The following SH3RF3 variants were observed in gnomAD, a reference collection of about 807,000 sequenced individuals.
SH3RF3 encodes SH3 domain containing ring finger 3.
SH3RF3 carries 29 observed loss-of-function variants against 66.3 expected under a neutral mutation model. The ratio of observed to expected loss-of-function variants is 0.44; its 90% confidence interval spans 0.33 to 0.60. The LOEUF is 0.60. Among genes scored for constraint, SH3RF3 ranks in the 20% least tolerant of loss-of-function variants. SH3RF3 has a pLI of 0.04. For synonymous variants in SH3RF3, 583 were observed against 532.0 expected, an observed-to-expected ratio of 1.10 and a Z score of -1.32; for missense variants, 1,194 against 1,190.9, an observed-to-expected ratio of 1.00 and a Z score of -0.04.
intron 8 of SH3RF3, among the ~76,000 whole-genome samples, chr2:109,478,361 A>G (rs1399526835): frequency 6.6e-6 from 1 of 152,198 alleles, no homozygotes; most frequent in Non-Finnish European, 1.5e-5. Flanking sequence ...TTCTCCCTCA[A>G]TTCCCAGTTA....
chr2:109,312,402 C>T (rs1479430301), intron 1 of SH3RF3, among the ~76,000 whole-genome samples: 2 of 152,082 alleles, frequency 1.3e-5, no homozygotes, highest in African/African-American at 4.8e-5. Flanking sequence ...TAAAGTGTGC[C>T]AGTGGAATTT....
chr2:109,230,864 G>A (rs1679490423), intron 1 of SH3RF3, among the ~76,000 whole-genome samples: 1 of 152,178 alleles, frequency 6.6e-6, no homozygotes, highest in African/African-American at 2.4e-5. Flanking sequence ...GAGTTCACTG[G>A]CCAATAGGAC....
intron 1 of SH3RF3, among the ~76,000 whole-genome samples, chr2:109,185,701 C>T (rs529800218): frequency 1.2e-3 from 184 of 152,236 alleles, no homozygotes; most frequent in African/African-American, 4.1e-3. Context: ...GTGGAAAAGA[C>T]GATTTCTGGA....
At chr2:109,145,322 C>T (rs1218686083) in intron 1 of SH3RF3, among the ~76,000 whole-genome samples, 5 of 152,268 alleles carry the variant, frequency 3.3e-5, no homozygotes, top group African/African-American at 9.6e-5. Context: ...CCCTTTAGTC[C>T]GGACTTCATG....
Position 109,501,761 on chromosome 2 carries a change from G to C in SH3RF3, c.*90G>C. On this transcript the variant is annotated 3_prime_UTR_variant, in exon 10 of 10. Coordinates refer to ENST00000309415, the MANE Select transcript of SH3RF3 (RefSeq NM_001099289.3). ...AGAGAGGGAGCCATGGCGCCCCAAG[G>C]GTTCCAGGTCATCTCCAAGGCACCT... 1 of 658,782 alleles carries C rather than the reference G, an allele frequency of 1.5e-6. No homozygotes were observed. Among genetic ancestry groups the C allele is most frequent in the Non-Finnish European group, 2.8e-6 (1 of 360,772 alleles). The allele number at this position is 658,782 out of a possible 1,614,324, so 40.8% of individuals were successfully genotyped here.
intron 3 of SH3RF3, among the ~76,000 whole-genome samples, chr2:109,385,900 CTCT>C (rs35188670): frequency 0.47 from 71,674 of 151,462 alleles, 17,003 homozygotes; most frequent in Middle Eastern, 0.55. Context: ...TGAAACTCTG[CTCT>C]TCTTCATATT....
At chr2:109,421,070 G>A (rs1559074382) in intron 5 of SH3RF3, among the ~76,000 whole-genome samples, 1 of 152,228 alleles carries the variant, frequency 6.6e-6, no homozygotes, top group Non-Finnish European at 1.5e-5. Flanking sequence ...TCCTAGCTCA[G>A]TTCTGGCAGC....
At chr2:109,238,492 TGTGTGTGA>T (rs1336757802) in intron 1 of SH3RF3, among the ~76,000 whole-genome samples, 66 of 127,632 alleles carry the variant, frequency 5.2e-4, no homozygotes, top group African/African-American at 1.7e-3. Flanking sequence ...TGTGTGTGTG[TGTGTGTGA>T]GAGTGAGACA....
intron 3 of SH3RF3, among the ~76,000 whole-genome samples, chr2:109,387,213 C>G (rs1675845805): frequency 6.6e-6 from 1 of 152,154 alleles, no homozygotes; most frequent in African/African-American, 2.4e-5. Flanking sequence ...CCTGGCTTTT[C>G]TCATTAAATT....
intron 2 of SH3RF3, among the ~76,000 whole-genome samples, chr2:109,366,978 CAG>C (rs1031599869): frequency 6.6e-6 from 1 of 152,148 alleles, no homozygotes; most frequent in African/African-American, 2.4e-5. Context: ...TTTTTTGGGA[CAG>C]AGTCTCATTC....
chr2:109,251,438 C>T (rs1680089696), intron 1 of SH3RF3: 1 of 715,430 alleles, frequency 1.4e-6, no homozygotes, highest in Admixed American at 1.8e-5. Context: ...AAAGCTCACC[C>T]TCCCGAGTTG....
chr2:109,342,557 G>A (rs1682578854), intron 1 of SH3RF3, among the ~76,000 whole-genome samples: 1 of 152,224 alleles, frequency 6.6e-6, no homozygotes, highest in South Asian at 2.1e-4. Context: ...GGGAGCCGGT[G>A]CTCCACGCTC....
chr2:109,313,973 G>T (rs903936326), intron 1 of SH3RF3, among the ~76,000 whole-genome samples: 11 of 152,194 alleles, frequency 7.2e-5, no homozygotes, highest in Non-Finnish European at 1.5e-4. Context: ...ACAGTTGAAG[G>T]CTTTGGAACT....
At chr2:109,265,095 T>C (rs1251228774) in intron 1 of SH3RF3, among the ~76,000 whole-genome samples, 1 of 152,178 alleles carries the variant, frequency 6.6e-6, no homozygotes, top group Non-Finnish European at 1.5e-5. Context: ...TGCTTAGACT[T>C]TGCCCACTTG....
At chr2:109,146,637 G>A (rs1677102903) in intron 1 of SH3RF3, among the ~76,000 whole-genome samples, 1 of 152,182 alleles carries the variant, frequency 6.6e-6, no homozygotes. Context: ...ATGGGTGGCT[G>A]ACTGACCATC....
At chr2:109,378,003 C>T (rs1255905621) in intron 3 of SH3RF3, among the ~76,000 whole-genome samples, 1 of 152,254 alleles carries the variant, frequency 6.6e-6, no homozygotes, top group African/African-American at 2.4e-5. Flanking sequence ...TAGTGAGCAG[C>T]TCCGCCGTGT....
intron 1 of SH3RF3, among the ~76,000 whole-genome samples, chr2:109,246,161 A>T (rs1553490481): frequency 6.6e-6 from 1 of 152,216 alleles, no homozygotes; most frequent in Non-Finnish European, 1.5e-5. Flanking sequence ...TGTGAGGTTG[A>T]CAGAGGCTGC....
Position 109,129,984 on chromosome 2 carries a change from G to A in SH3RF3, c.444G>A (p.Thr148=). The part of the protein sequence containing the change: ...RPIPGQSAAP[T]LAGGGGGAAG... ...TCCCAGGCCAGAGTGCGGCCCCCAC[G>A]CTCGCGGGCGGCGGGGGCGGCGCGG... The change falls in exon 1 of 10, where the codon ACG becomes ACA. Residue 148 remains threonine, a synonymous_variant. Coordinates refer to ENST00000309415, the MANE Select transcript of SH3RF3 (RefSeq NM_001099289.3). 7.7e-7 allele frequency: 1 copy of A among 1,300,268 alleles called. No homozygotes were observed. The allele number at this position is 1,300,268 out of a possible 1,614,324, so 80.5% of individuals were successfully genotyped here.
chr2:109,130,473 C>T (rs909932482), intron 1 of SH3RF3, among the ~76,000 whole-genome samples: 2 of 152,230 alleles, frequency 1.3e-5, no homozygotes, highest in Non-Finnish European at 2.9e-5. Context: ...TCCCTCTGCA[C>T]ACCCTGGGCC....
Sources: gnomAD v4.1 joint callset for allele counts (sites outside exome capture counted in the v4.1 genomes callset) on GRCh38, gnomAD v4.1.1 for gene constraint, MANE v1.5 for transcripts, NCBI Gene and HGNC (gene_info 2026-07-23, HGNC 2026-07-21) for gene names.